The following CNTN4 variants were observed in gnomAD, a reference collection of about 807,000 sequenced individuals.
CNTN4 encodes the protein contactin 4.
In CNTN4, 77 loss-of-function variants were observed where a neutral mutation model predicts 122.5. The observed-to-expected ratio is 0.63, with a 90% CI of 0.52 to 0.76. CNTN4 has a LOEUF of 0.76. CNTN4 is among the 30% of genes least tolerant of loss of function. CNTN4 has a pLI of 0.00. For synonymous variants in CNTN4, 512 were observed against 447.0 expected (o/e 1.15, Z -1.83); for missense variants, 1,256 against 1,259.1 (o/e 1.00, Z 0.04).
At chr3:2,532,621 A>G (rs1350403662) in intron 3 of CNTN4, among the ~76,000 whole-genome samples, 2 of 152,182 alleles carry the variant, frequency 1.3e-5, no homozygotes, top group Non-Finnish European at 2.9e-5. Context: ...GTTAACTGGA[A>G]GAAAAGGAAA....
chr3:2,285,499 A>C (rs9860727), intron 2 of CNTN4, among the ~76,000 whole-genome samples: 2,338 of 152,034 alleles, frequency 0.015, 60 homozygotes, highest in African/African-American at 0.054. Flanking sequence ...CTCCCTGCAC[A>C]TTTTTTACTT....
At chr3:2,172,245 T>C (rs1203395574) in intron 2 of CNTN4, among the ~76,000 whole-genome samples, 1 of 152,162 alleles carries the variant, frequency 6.6e-6, no homozygotes, top group Non-Finnish European at 1.5e-5. Context: ...AATAATGTCT[T>C]TTTCAGCAAC....
chr3:2,769,860 G>A lies in CNTN4; in HGVS notation c.358+24163G>A, dbSNP rs550477118. Among the ~76,000 whole-genome samples, 7 of 152,270 alleles carry A rather than the reference G, an allele frequency of 4.6e-5. No homozygotes were observed. In the South Asian group the frequency reaches 1.5e-3, roughly 32 times the overall value. On this transcript the variant is annotated intron_variant, in intron 6 of 24. Transcript: ENST00000418658. ...CAGATCAAAAATAGCAGCAAGACAG[G>A]CTAACTATCTTCAGGAATCAATGCC...
intron 3 of CNTN4, among the ~76,000 whole-genome samples, chr3:2,566,962 G>A (rs1272795425): frequency 6.6e-6 from 1 of 152,100 alleles, no homozygotes; most frequent in Non-Finnish European, 1.5e-5. Flanking sequence ...TAGATATTAT[G>A]TCCTTCAGGG....
At chr3:2,811,195 A>G (rs1419650424) in intron 6 of CNTN4, among the ~76,000 whole-genome samples, 3 of 151,758 alleles carry the variant, frequency 2.0e-5, no homozygotes, top group Non-Finnish European at 2.9e-5. Context: ...GTATCACTTG[A>G]AGTCAGGAGT....
At chr3:2,450,778 A>G (rs904533538) in intron 3 of CNTN4, among the ~76,000 whole-genome samples, 2 of 152,238 alleles carry the variant, frequency 1.3e-5, no homozygotes, top group Non-Finnish European at 2.9e-5. Context: ...GTCCCCAAGA[A>G]GAGTCAACCT....
At chr3:2,769,221 T>G (rs997542650) in intron 6 of CNTN4, among the ~76,000 whole-genome samples, 2 of 152,082 alleles carry the variant, frequency 1.3e-5, no homozygotes, top group African/African-American at 4.8e-5. Flanking sequence ...CCCAGCACTT[T>G]GGGAGGCCGA....
At chr3:2,468,051 C>G (rs889351133) in intron 3 of CNTN4, among the ~76,000 whole-genome samples, 1 of 152,100 alleles carries the variant, frequency 6.6e-6, no homozygotes, top group African/African-American at 2.4e-5. Context: ...ATATTTTACT[C>G]GACCATGCTG....
At chr3:2,707,636 C>G (rs1348163404) in intron 4 of CNTN4, among the ~76,000 whole-genome samples, 1 of 123,632 alleles carries the variant, frequency 8.1e-6, no homozygotes, top group Non-Finnish European at 1.8e-5. Context: ...GCTTCTTTTT[C>G]TTTTGTTTTA....
chr3:2,512,515 C>T (rs2076917444), intron 3 of CNTN4, among the ~76,000 whole-genome samples: 2 of 152,184 alleles, frequency 1.3e-5, no homozygotes, highest in Admixed American at 1.3e-4. Flanking sequence ...TGATGTCTTT[C>T]ACATGATCAA....
chr3:2,460,198 G>A (rs1009308793), intron 3 of CNTN4, among the ~76,000 whole-genome samples: 3 of 152,000 alleles, frequency 2.0e-5, no homozygotes, highest in Admixed American at 6.6e-5. Context: ...TTATCACCAC[G>A]GTTGCTCGGC....
intron 6 of CNTN4, among the ~76,000 whole-genome samples, chr3:2,782,012 C>A (rs183083043): frequency 1.9e-3 from 286 of 151,878 alleles, no homozygotes; most frequent in Admixed American, 3.0e-3. Flanking sequence ...CATGAGCCAC[C>A]GGTAAATTTA....
intron 14 of CNTN4, among the ~76,000 whole-genome samples, chr3:2,998,652 A>G (rs75566466): frequency 0.058 from 8,880 of 152,256 alleles, 441 homozygotes; most frequent in South Asian, 0.25. Context: ...CCAGATTAAA[A>G]AAAAAAGTCA....
intron 3 of CNTN4, among the ~76,000 whole-genome samples, chr3:2,490,803 G>C (rs570465519): frequency 6.6e-6 from 1 of 152,004 alleles, no homozygotes; most frequent in African/African-American, 2.4e-5. Context: ...TCTCATTCCC[G>C]TATGCTATAC....
chr3:2,624,308 C>T (rs1252310357), intron 4 of CNTN4, among the ~76,000 whole-genome samples: 1 of 152,076 alleles, frequency 6.6e-6, no homozygotes, highest in Non-Finnish European at 1.5e-5. Context: ...GGTCGATATG[C>T]TGTTTTTAAT....
chr3:2,146,168 A>G (rs570606844), intron 2 of CNTN4, among the ~76,000 whole-genome samples: 2 of 151,480 alleles, frequency 1.3e-5, no homozygotes, highest in Non-Finnish European at 2.9e-5. Flanking sequence ...TAAGACTTCT[A>G]TTGATGTTAA....
intron 6 of CNTN4, among the ~76,000 whole-genome samples, chr3:2,816,062 T>C (rs1473231866): frequency 2.0e-5 from 3 of 151,674 alleles, no homozygotes; most frequent in Non-Finnish European, 4.4e-5. Context: ...GGCATAAAAA[T>C]GATACAATGA....
chr3:2,176,606 C>G (rs1226904463), intron 2 of CNTN4, among the ~76,000 whole-genome samples: 1 of 152,040 alleles, frequency 6.6e-6, no homozygotes, highest in Non-Finnish European at 1.5e-5. Flanking sequence ...AGGATGTTTG[C>G]TAATGATGGT....
chr3:2,740,268 G>A (rs2089384064), intron 5 of CNTN4, among the ~76,000 whole-genome samples: 4 of 152,144 alleles, frequency 2.6e-5, no homozygotes, highest in Admixed American at 2.0e-4. Context: ...GCTGAGGTGG[G>A]AAGATCGCTT....
Sources: gnomAD v4.1 joint callset for allele counts (sites outside exome capture counted in the v4.1 genomes callset) on GRCh38, gnomAD v4.1.1 for gene constraint, MANE v1.5 for transcripts, NCBI Gene and HGNC (gene_info 2026-07-23, HGNC 2026-07-21) for gene names.